Variants in PARP11 observed in about 807,000 individuals in gnomAD.
The protein encoded by PARP11 is protein mono-ADP-ribosyltransferase PARP11.
A neutral mutation model predicts 42.9 loss-of-function variants in PARP11; 31 were observed. The ratio of observed to expected loss-of-function variants is 0.72; its 90% CI spans 0.54 to 0.98. The LOEUF (loss-of-function observed/expected upper bound fraction) is 0.98. PARP11 is among the 50% of genes least tolerant of loss of function. PARP11 has a pLI of 0.00. For synonymous variants in PARP11, 137 were observed against 127.3 expected, an observed-to-expected ratio of 1.08 and a Z score of -0.51; for missense variants, 365 against 413.1, an observed-to-expected ratio of 0.88 and a Z score of 1.01.
chr12:3,873,117 A>G, intron 1 of PARP11, 95 bp downstream of exon 1: 1 of 1,197,918 alleles, frequency 8.3e-7, no homozygotes, highest in Non-Finnish European at 1.2e-6. Context: ...ACCCAGACTG[A>G]AGCGAGCGCG....
chr12:3,872,599 G>A, intron 1 of PARP11: 1 of 985,214 alleles, frequency 1.0e-6, no homozygotes, highest in Non-Finnish European at 1.2e-6. Context: ...AGAACATACA[G>A]TCCATACTCC....
intron 1 of PARP11, among the ~76,000 whole-genome samples, chr12:3,856,110 T>C (rs1311464632): frequency 5.3e-5 from 8 of 152,258 alleles, no homozygotes; most frequent in Non-Finnish European, 1.5e-5. Flanking sequence ...ACACCTTATA[T>C]AAAAATTAAT....
At chr12:3,839,527 A>G (rs1186245149) in intron 1 of PARP11, 3 of 1,593,758 alleles carry the variant, frequency 1.9e-6, no homozygotes, top group Non-Finnish European at 2.6e-6. Context: ...TCGAGAGAAC[A>G]GAGAGAAATT....
intron 1 of PARP11, among the ~76,000 whole-genome samples, chr12:3,846,679 C>G (rs1948005112): frequency 6.6e-6 from 1 of 151,676 alleles, no homozygotes; most frequent in African/African-American, 2.4e-5. Context: ...ATGGCGTGAA[C>G]CCAGGAGGCA....
At chr12:3,845,179 C>A (rs1947974525) in intron 1 of PARP11, among the ~76,000 whole-genome samples, 1 of 152,092 alleles carries the variant, frequency 6.6e-6, no homozygotes, top group Non-Finnish European at 1.5e-5. Flanking sequence ...TCTTCATTTC[C>A]TCTCAAATAA....
intron 1 of PARP11, among the ~76,000 whole-genome samples, chr12:3,830,704 C>T (rs1947622263): frequency 6.6e-6 from 1 of 152,108 alleles, no homozygotes; most frequent in African/African-American, 2.4e-5. Flanking sequence ...AAGGACTACA[C>T]AGATGAAAAT....
chr12:3,866,361 T>C (rs905251089), intron 1 of PARP11, among the ~76,000 whole-genome samples: 1 of 152,204 alleles, frequency 6.6e-6, no homozygotes, highest in Non-Finnish European at 1.5e-5. Context: ...GAGTTTCTCA[T>C]GGCTCAGTCC....
chr12:3,813,798 G>A (rs778424734), intron 7 of PARP11, among the ~76,000 whole-genome samples: 2 of 152,046 alleles, frequency 1.3e-5, no homozygotes, highest in Middle Eastern at 3.2e-3. Flanking sequence ...TATAAATAAC[G>A]TGAAGTTTTC....
intron 4 of PARP11, among the ~76,000 whole-genome samples, chr12:3,822,796 A>G (rs1318969747): frequency 6.6e-6 from 1 of 152,174 alleles, no homozygotes; most frequent in Non-Finnish European, 1.5e-5. Context: ...AGAAATTAAA[A>G]ACAAAATCAA....
rs567784043 is a variant in PARP11 at position 3,834,227 on chromosome 12, G to A, written c.19-4209C>T. Among the ~76,000 whole-genome samples, 8 of 152,318 alleles carry A rather than the reference G, an allele frequency of 5.3e-5. No homozygotes were observed. The South Asian group carries it at 1.7e-3, about 32-fold the overall frequency. On this transcript the variant is annotated intron_variant, in intron 1 of 7. Coordinates refer to ENST00000228820, the MANE Select transcript of PARP11 (RefSeq NM_020367.6). ...TCAGCCCCAGGAGCAGTGGCATGGA[G>A]ACTTTGCTCAGGGGTAAAGACGAGC...
chr12:3,831,089 A>G (rs1947629702), intron 1 of PARP11, among the ~76,000 whole-genome samples: 1 of 152,208 alleles, frequency 6.6e-6, no homozygotes, highest in Non-Finnish European at 1.5e-5. Flanking sequence ...TATTAAGTTT[A>G]TACAACTACT....
chr12:3,846,108 T>A (rs1276787209), intron 1 of PARP11, among the ~76,000 whole-genome samples: 1 of 152,234 alleles, frequency 6.6e-6, no homozygotes, highest in African/African-American at 2.4e-5. Context: ...CTTTATATTC[T>A]TTATCATATC....
chr12:3,836,339 A>C (rs570268706), intron 1 of PARP11, among the ~76,000 whole-genome samples: 138 of 152,150 alleles, frequency 9.1e-4, no homozygotes, highest in Non-Finnish European at 1.7e-3. Context: ...AAACAAACAA[A>C]AAAAAAGCGC....
intron 1 of PARP11, among the ~76,000 whole-genome samples, chr12:3,833,029 A>G (rs1947678286): frequency 1.3e-5 from 2 of 152,236 alleles, no homozygotes; most frequent in African/African-American, 2.4e-5. Context: ...GTGGAAAATG[A>G]GTTTAAAGTC....
rs1242810370 is a variant in PARP11, at chr12:3,809,726, C to T, written c.*2397G>A. 6.6e-6 allele frequency: 1 copy of T among 152,142 alleles called. No individual in the cohort carries two copies. Among genetic ancestry groups the T allele is most frequent in the Non-Finnish European group, 1.5e-5 (1 of 68,034 alleles). 9.4% of individuals were successfully genotyped at this position (152,142 alleles called of 1,614,324 possible). Reference sequence around the variant, plus strand: ...TAAATCGAAAAAAAGATTTTCAAAACCTGAATTCCTAATGTCTCTAACATT... The same window carrying T: ...TAAATCGAAAAAAAGATTTTCAAAATCTGAATTCCTAATGTCTCTAACATT... On this transcript the variant is annotated 3_prime_UTR_variant, in exon 8 of 8. Coordinates refer to ENST00000228820, the MANE Select transcript of PARP11 (RefSeq NM_020367.6).
intron 1 of PARP11, chr12:3,839,589 T>G: frequency 7.8e-7 from 1 of 1,274,772 alleles, no homozygotes; most frequent in Middle Eastern, 1.9e-4. Context: ...GCTTGGAAAA[T>G]CCACAGGAAT....
chr12:3,863,075 T>C (rs915769026), intron 1 of PARP11, among the ~76,000 whole-genome samples: 5 of 152,224 alleles, frequency 3.3e-5, no homozygotes, highest in Non-Finnish European at 7.3e-5. Flanking sequence ...AATGTACAGA[T>C]CTTGCAAATC....
chr12:3,817,512 A>G (rs1947316799), intron 6 of PARP11, among the ~76,000 whole-genome samples: 1 of 152,220 alleles, frequency 6.6e-6, no homozygotes, highest in African/African-American at 2.4e-5. Context: ...TTGGTGTTCC[A>G]GAAAGGCTAA....
intron 1 of PARP11, chr12:3,872,659 C>T (rs1331967694): frequency 1.9e-5 from 19 of 985,194 alleles, no homozygotes; most frequent in Non-Finnish European, 2.2e-5. Flanking sequence ...ACTGATGGCT[C>T]CTCTTAGGCC....
Sources: allele counts gnomAD v4.1 joint callset (sites outside exome capture counted in the v4.1 genomes callset), GRCh38; gene constraint gnomAD v4.1.1; transcripts MANE v1.5; gene names NCBI Gene and HGNC (gene_info 2026-07-23, HGNC 2026-07-21).